The following NRXN3 variants were observed in gnomAD, a reference collection of about 807,000 sequenced individuals.
NRXN3 encodes neurexin III.
NRXN3 carries 32 observed loss-of-function variants against 137.6 expected under a neutral mutation model. The ratio of observed to expected loss-of-function variants is 0.23; its 90% CI spans 0.18 to 0.31. NRXN3 has a LOEUF of 0.31. Ranked by LOEUF, NRXN3 falls within the 10% of genes least tolerant of loss-of-function variation. The pLI is 1.00. For missense variants in NRXN3, 1,574 were observed against 2,062.5 expected (o/e 0.76, Z 4.59); for synonymous variants, 798 against 784.5 (o/e 1.02, Z -0.29).
intron 4 of NRXN3, among the ~76,000 whole-genome samples, chr14:78,520,242 A>T (rs1178474533): frequency 2.0e-5 from 3 of 152,210 alleles, no homozygotes; most frequent in African/African-American, 7.2e-5. Context: ...TAACCTGCAC[A>T]GACCCTGGAT....
chr14:78,625,158 A>G (rs535145411), intron 4 of NRXN3, among the ~76,000 whole-genome samples: 9 of 152,296 alleles, frequency 5.9e-5, no homozygotes, highest in Admixed American at 5.9e-4. Flanking sequence ...TTATCTTTAA[A>G]ATGAGGGCAT....
intron 10 of NRXN3, among the ~76,000 whole-genome samples, chr14:78,904,526 T>C (rs2099208719): frequency 6.6e-6 from 1 of 152,114 alleles, no homozygotes; most frequent in Non-Finnish European, 1.5e-5. Flanking sequence ...GCTTTGACTA[T>C]TAACTCTATA....
intron 4 of NRXN3, among the ~76,000 whole-genome samples, chr14:78,343,273 A>G (rs543175921): frequency 3.3e-5 from 5 of 152,350 alleles, no homozygotes; most frequent in African/African-American, 1.2e-4. Flanking sequence ...CTCTTCTCTA[A>G]TATGGAATAT....
At chr14:79,692,076 TA>T in intron 17 of NRXN3, 96 bp from the exon 18 acceptor site, 1 of 877,436 alleles carries the variant, frequency 1.1e-6, no homozygotes, top group Non-Finnish European at 1.7e-6. Context: ...TATCTATCTC[TA>T]AAAACTTCAT....
chr14:78,968,305 A>T lies in NRXN3; in HGVS notation c.3101A>T (p.Asp1034Val). 1 of 1,614,022 alleles carries T rather than the reference A, an allele frequency of 6.2e-7. No homozygotes were observed. The highest frequency in any genetic ancestry group is 8.5e-7 in the Non-Finnish European group (1 of 1,179,960). The change falls in exon 14 of 21, where the codon GAT (aspartate) becomes GTT (valine). Residue 1034 changes from aspartate to valine, a missense_variant. Asp to Val is a radical substitution (Grantham distance 152). This residue lies in a region of NRXN3 where 718 missense variants were observed against 887.6 expected (regional missense o/e 0.81). Coordinates refer to ENST00000335750, the MANE Select transcript of NRXN3 (RefSeq NM_001330195.2). ...LNGRLPDLIN[D>V]ALHRSGQIER... ...GGACGCCTGCCAGACCTCATCAATG[A>T]TGCTCTTCATCGGAGCGGACAGATC... is the stretch of plus-strand genomic sequence containing the variant.
intron 15 of NRXN3, among the ~76,000 whole-genome samples, chr14:79,133,610 C>T (rs887813666): frequency 2.0e-5 from 3 of 152,080 alleles, no homozygotes; most frequent in Admixed American, 2.0e-4. Context: ...AGCCTTGTTC[C>T]AAGATTGGTT....
At chr14:78,993,539 T>C (rs1398233572) in intron 15 of NRXN3, among the ~76,000 whole-genome samples, 1 of 152,214 alleles carries the variant, frequency 6.6e-6, no homozygotes, top group African/African-American at 2.4e-5. Context: ...AGGCCATATG[T>C]AAGAAGTTCA....
intron 10 of NRXN3, among the ~76,000 whole-genome samples, chr14:78,873,389 G>A (rs921040880): frequency 2.6e-5 from 4 of 152,116 alleles, no homozygotes; most frequent in African/African-American, 7.2e-5. Flanking sequence ...ACCATACTTA[G>A]TGAGAAGTTG....
chr14:78,568,217 G>T (rs1325151360), intron 4 of NRXN3, among the ~76,000 whole-genome samples: 1 of 152,144 alleles, frequency 6.6e-6, no homozygotes, highest in African/African-American at 2.4e-5. Context: ...GTATTAGGAG[G>T]GGGGCCTTTT....
chr14:78,714,695 G>T, intron 7 of NRXN3, 61 bp from the exon 8 acceptor site: 1 of 1,576,038 alleles, frequency 6.3e-7, no homozygotes. Flanking sequence ...TCACCTGTTA[G>T]GTTTCTTACA....
At chr14:78,492,996 A>G (rs2095696996) in intron 4 of NRXN3, among the ~76,000 whole-genome samples, 1 of 152,178 alleles carries the variant, frequency 6.6e-6, no homozygotes, top group Non-Finnish European at 1.5e-5. Flanking sequence ...CTTTATGTTT[A>G]TCTTCACCAG....
chr14:78,436,811 A>G (rs1004037394), intron 4 of NRXN3, among the ~76,000 whole-genome samples: 25 of 152,196 alleles, frequency 1.6e-4, no homozygotes, highest in African/African-American at 6.0e-4. Context: ...TAGTTCTAGC[A>G]TTAAAAACCA....
At chr14:79,821,437 T>A (rs550139260) in intron 20 of NRXN3, among the ~76,000 whole-genome samples, 2 of 152,274 alleles carry the variant, frequency 1.3e-5, no homozygotes, top group South Asian at 4.1e-4. Flanking sequence ...TTTAAAGGCA[T>A]CCAAATGAAA....
chr14:78,517,377 A>G (rs1168708404), intron 4 of NRXN3, among the ~76,000 whole-genome samples: 3 of 152,128 alleles, frequency 2.0e-5, no homozygotes, highest in East Asian at 3.9e-4. Flanking sequence ...CCTAGTACAT[A>G]TGGGTGACTA....
At chr14:78,922,785 G>A (rs1216741017) in intron 10 of NRXN3, among the ~76,000 whole-genome samples, 3 of 152,120 alleles carry the variant, frequency 2.0e-5, no homozygotes, top group African/African-American at 7.2e-5. Context: ...GTTGATAGGT[G>A]CAGCACATCA....
At chr14:79,213,639 G>A (rs754539413) in intron 15 of NRXN3, among the ~76,000 whole-genome samples, 8 of 151,184 alleles carry the variant, frequency 5.3e-5, no homozygotes, top group Admixed American at 6.6e-5. Flanking sequence ...GGGGGGTGGC[G>A]GGAACAAAAC....
intron 16 of NRXN3, among the ~76,000 whole-genome samples, chr14:79,482,970 C>T (rs2096622919): frequency 6.6e-6 from 1 of 152,190 alleles, no homozygotes; most frequent in Admixed American, 6.5e-5. Context: ...TTGATTCACA[C>T]CCAAACACTG....
intron 10 of NRXN3, among the ~76,000 whole-genome samples, chr14:78,829,764 A>G (rs2098976701): frequency 6.6e-6 from 1 of 152,198 alleles, no homozygotes; most frequent in Non-Finnish European, 1.5e-5. Flanking sequence ...AATTGCCAGT[A>G]TCTAAATAAA....
chr14:78,739,404 A>G (rs554135996), intron 8 of NRXN3, among the ~76,000 whole-genome samples: 3 of 152,302 alleles, frequency 2.0e-5, no homozygotes, highest in East Asian at 1.9e-4. Context: ...GGCTGGAGGA[A>G]GAAGAAAGCA....
Sources: gnomAD v4.1 joint callset for allele counts (sites outside exome capture counted in the v4.1 genomes callset) on GRCh38, gnomAD v4.1.1 for gene constraint, gnomAD v4.1.1 regional missense constraint, MANE v1.5 for transcripts, NCBI Gene and HGNC (gene_info 2026-07-23, HGNC 2026-07-21) for gene names.